UNC13A: variants seen among roughly 807,000 people sequenced by gnomAD.
UNC13A encodes the protein unc-13 homolog A.
In UNC13A, 61 loss-of-function variants were observed where a neutral mutation model predicts 219.7. The observed-to-expected ratio is 0.28, with a 90% CI of 0.23 to 0.34. The LOEUF (loss-of-function observed/expected upper bound fraction) is 0.34, where lower values mean the gene tolerates loss of function less well. Among genes scored for constraint, UNC13A ranks in the 10% least tolerant of loss-of-function variants. The pLI, the probability that UNC13A is intolerant of heterozygous loss-of-function variation, is 1.00. For missense variants in UNC13A, 1,476 were observed against 2,270.3 expected, an observed-to-expected ratio of 0.65 and a Z score of 7.11; for synonymous variants, 920 against 884.6, an observed-to-expected ratio of 1.04 and a Z score of -0.71.
At position 17,647,474 on chromosome 19, in the gene UNC13A, G is replaced by C. The variant is rs771750775; in HGVS notation, c.1835C>G (p.Ser612Cys). Residue 612 changes from serine (S) to cysteine (C), a missense_variant, in exon 17 of 44, where the codon TCC (serine) becomes TGC (cysteine). Physicochemically the swap from Ser to Cys is moderately radical, Grantham distance 112 (BLOSUM62 -1). Around this residue, in one of 14 missense-constraint regions of UNC13A, gnomAD observed 85 missense variants for 211.5 expected, o/e 0.40. Coordinates refer to ENST00000519716, the MANE Select transcript of UNC13A (RefSeq NM_001080421.3). Reference sequence around the variant, plus strand: ...TGTCCGGTCCTCCGCCCCGTGCTTGGAGCTCTTCTCCGCAGCCCCTGAGGA... The same window carrying C: ...TGTCCGGTCCTCCGCCCCGTGCTTGCAGCTCTTCTCCGCAGCCCCTGAGGA... ...DCLQRAAEKSSKHGAEDRTQN... is the reference protein window; with the variant it reads ...DCLQRAAEKSCKHGAEDRTQN... 6.2e-7 allele frequency: 1 copy of C among 1,612,800 alleles called. No homozygotes were observed. Among genetic ancestry groups the C allele is most frequent in the Admixed American group, 1.7e-5 (1 of 59,972 alleles).
intron 20 of UNC13A, among the ~76,000 whole-genome samples, 152 bp downstream of exon 20, chr19:17,642,693 T>C (rs961369894): frequency 6.6e-6 from 1 of 151,792 alleles, no homozygotes; most frequent in African/African-American, 2.4e-5. Context: ...CTTTGATGGA[T>C]AGGGAGGAGT....
intron 43 of UNC13A, among the ~76,000 whole-genome samples, chr19:17,609,432 C>T (rs1296933608): frequency 6.6e-6 from 1 of 152,050 alleles, no homozygotes; most frequent in Non-Finnish European, 1.5e-5. Flanking sequence ...ATCTACACTC[C>T]ACTCCTGTCC....
Position 17,627,744 on chromosome 19 carries a change from G to A in UNC13A, c.3831+119C>T, listed in dbSNP as rs544711710. The stretch of plus-strand genomic sequence containing the variant: ...GTTATGCTGCAAGCCTGGGTTTAAG[G>A]CCATGGTTGAGCTGGAATTCATCCC... On this transcript the variant is annotated intron_variant, in intron 32 of 43. Coordinates refer to ENST00000519716, the MANE Select transcript of UNC13A (RefSeq NM_001080421.3). This position sits in a 1 kb window ranked among gnomAD's most constrained non-coding sequence, Gnocchi z 4.7. 3.1e-6 allele frequency: 4 copies of A among 1,309,388 alleles called. No individual in the cohort carries two copies. The South Asian group carries it at 3.9e-5, about 13-fold the overall frequency. The allele number at this position is 1,309,388 out of a possible 1,614,324, so 81.1% of individuals were successfully genotyped here. A position where few individuals can be genotyped will look rare whatever the true frequency, so the allele number is the denominator to read the frequency against.
chr19:17,683,842 A>G (rs7248945), intron 1 of UNC13A, among the ~76,000 whole-genome samples: 32,571 of 151,912 alleles, frequency 0.21, 4,127 homozygotes, highest in Middle Eastern at 0.36. Context: ...TAATCCTAGC[A>G]CTTTGGGAGG....
intron 43 of UNC13A, among the ~76,000 whole-genome samples, chr19:17,608,385 T>TATATATATTATATATGTATATAA (rs1555775549): frequency 0.17 from 7,290 of 42,340 alleles, 257 homozygotes; most frequent in Middle Eastern, 0.28. Context: ...TGTATATAAA[T>TATATATATTATATATGTATATAA]ATATATATAT....
At chr19:17,665,496 CATT>C (rs1286247825) in intron 7 of UNC13A, among the ~76,000 whole-genome samples, 6 of 152,194 alleles carry the variant, frequency 3.9e-5, no homozygotes, top group East Asian at 1.9e-4. Flanking sequence ...TCATCATCAT[CATT>C]AACAGACAAG....
chr19:17,606,515 T>TACA (rs1358552532), intron 43 of UNC13A, among the ~76,000 whole-genome samples, 161 bp from the exon 44 acceptor site: 1 of 151,514 alleles, frequency 6.6e-6, no homozygotes, highest in African/African-American at 2.4e-5. Context: ...TTACTTGACC[T>TACA]ACAACCCTGT....
At chr19:17,618,331 T>C (rs1342242924) in intron 40 of UNC13A, 90 bp downstream of exon 40, 13 of 1,332,816 alleles carry the variant, frequency 9.8e-6, no homozygotes, top group African/African-American at 2.9e-5. Context: ...AACAAATTAA[T>C]GTGGGTCCGA....
In UNC13A at chr19:17,636,012, T is replaced by A. The variant is rs748543876; in HGVS notation, c.3215+12A>T. The A allele has an allele frequency of 6.2e-7, 1 of 1,607,624 alleles. No homozygotes were observed. Among genetic ancestry groups the A allele is most frequent in the Non-Finnish European group, 8.5e-7 (1 of 1,175,004 alleles). On this transcript the variant is annotated intron_variant, in intron 26 of 43. Coordinates refer to ENST00000519716, the MANE Select transcript of UNC13A (RefSeq NM_001080421.3). ...ACACCCAGATAATTAACTACACAGA[T>A]ACACAACTCACTGGTTGAGGCAGGG...
chr19:17,626,723 C>A lies in UNC13A; in HGVS notation c.3983G>T (p.Gly1328Val), dbSNP rs1187561020. 6.2e-7 allele frequency: 1 copy of A among 1,609,974 alleles called. No individual in the cohort carries two copies. The highest frequency in any genetic ancestry group is 1.1e-5 in the South Asian group (1 of 90,026). Residue 1328 changes from glycine to valine, a missense_variant, in exon 34 of 44, where the codon GGC (glycine) becomes GTC (valine). By Grantham distance (109) the Gly-to-Val change is moderately radical. Around this residue, in one of 14 missense-constraint regions of UNC13A, gnomAD observed 218 missense variants for 409.4 expected, o/e 0.53. Coordinates refer to ENST00000519716, the MANE Select transcript of UNC13A (RefSeq NM_001080421.3). ...GGCACTGGCTGGCACATTGCCTGTG[C>A]CCTTAACCTGGCTAAGGATGTCACC... ...QMGDILSQVK[G>V]TGNVPASACS... is the part of the protein sequence containing the mutation.
chr19:17,632,929 T>C, intron 27 of UNC13A, 21 bp from the exon 28 acceptor site: 1 of 1,613,752 alleles, frequency 6.2e-7, no homozygotes, highest in Non-Finnish European at 8.5e-7. Flanking sequence ...ACAAAGAGGA[T>C]GGCACAGCTG....
intron 1 of UNC13A, among the ~76,000 whole-genome samples, chr19:17,682,482 A>G (rs564561254): frequency 3.4e-4 from 52 of 152,300 alleles, no homozygotes; most frequent in Non-Finnish European, 6.2e-4. Flanking sequence ...TGGACCCAGG[A>G]TGCCCTTATT....
At chr19:17,620,462 C>T (rs2076716222) in intron 38 of UNC13A, among the ~76,000 whole-genome samples, 1 of 152,208 alleles carries the variant, frequency 6.6e-6, no homozygotes, top group South Asian at 2.1e-4. Context: ...CTGCACCCAC[C>T]TGTAGTCTGG....
chr19:17,657,974 C>T, intron 9 of UNC13A, 88 bp downstream of exon 9: 3 of 1,398,528 alleles, frequency 2.1e-6, no homozygotes, highest in South Asian at 2.5e-5. Context: ...TGGAACTCCA[C>T]CTCCAGCTCT....
chr19:17,652,737 C>G (rs932054208), intron 11 of UNC13A, 60 bp from the exon 12 acceptor site: 170 of 1,598,010 alleles, frequency 1.1e-4, no homozygotes, highest in Non-Finnish European at 1.4e-4. Flanking sequence ...CCAGAGCAGG[C>G]TCCACACCCA....
chr19:17,615,438 C>T (rs181025980), intron 41 of UNC13A, among the ~76,000 whole-genome samples: 1 of 151,872 alleles, frequency 6.6e-6, no homozygotes, highest in African/African-American at 2.4e-5. Flanking sequence ...TTTGGAAGGC[C>T]GAGGCCAAGA....
At chr19:17,617,048 C>T (rs549084148) in intron 41 of UNC13A, among the ~76,000 whole-genome samples, 1 of 152,266 alleles carries the variant, frequency 6.6e-6, no homozygotes, top group East Asian at 1.9e-4. Context: ...CCCTCCCCCA[C>T]CAAGTCGAGG....
In UNC13A at chr19:17,630,727, T is replaced by C. The variant is rs748071744; in HGVS notation, c.3452A>G (p.Gln1151Arg). The C allele has an allele frequency of 6.2e-7, 1 of 1,613,848 alleles. No individual in the cohort carries two copies. The highest frequency in any genetic ancestry group is 1.1e-5 in the South Asian group (1 of 91,078). Residue 1151 changes from glutamine (Q) to arginine (R), a missense_variant, in exon 29 of 44, where the codon CAG (glutamine) becomes CGG (arginine). By Grantham distance (43) the Gln-to-Arg change is conservative. Around this residue, in one of 14 missense-constraint regions of UNC13A, gnomAD observed 218 missense variants for 409.4 expected, o/e 0.53. Coordinates refer to ENST00000519716, the MANE Select transcript of UNC13A (RefSeq NM_001080421.3). Reference protein sequence around the residue: ...YPAWFEPFVIQWLDENEEVSR... With the variant: ...YPAWFEPFVIRWLDENEEVSR... ...CACCTCCTCATTCTCATCCAGCCAC[T>C]GGATGACGAAGGGTTCAAACCATCT...
chr19:17,623,438 GA>G, intron 36 of UNC13A, 103 bp downstream of exon 36: 1 of 855,594 alleles, frequency 1.2e-6, no homozygotes, highest in Non-Finnish European at 1.8e-6. Context: ...GGTGGGTGAG[GA>G]GGGGGCGCTG....
Sources: gnomAD v4.1 joint callset for allele counts (sites outside exome capture counted in the v4.1 genomes callset) on GRCh38, gnomAD v4.1.1 for gene constraint, gnomAD v4.1.1 regional missense constraint, Gnocchi (gnomAD v3.1) non-coding constraint, MANE v1.5 for transcripts, NCBI Gene and HGNC (gene_info 2026-07-23, HGNC 2026-07-21) for gene names.